LRP1B: variants seen among roughly 807,000 people sequenced by gnomAD.
The protein encoded by LRP1B is LDL receptor related protein 1B.
A neutral mutation model predicts 556.6 loss-of-function variants in LRP1B; 217 were observed. That is an observed-to-expected ratio of 0.39 (90% CI 0.35 to 0.44). The LOEUF (loss-of-function observed/expected upper bound fraction) is 0.44. Among genes scored for constraint, LRP1B ranks in the 20% least tolerant of loss-of-function variants. LRP1B has a pLI of 1.00. For missense variants in LRP1B, 5,053 were observed against 5,620.8 expected (o/e 0.90, Z 3.23); for synonymous variants, 2,047 against 1,865.8 (o/e 1.10, Z -2.50).
chr2:141,503,181 T>C (rs1683790705), intron 2 of LRP1B, among the ~76,000 whole-genome samples: 1 of 147,188 alleles, frequency 6.8e-6, no homozygotes, highest in Non-Finnish European at 1.5e-5. Flanking sequence ...AATAATATAA[T>C]AAAGTAAACA....
At chr2:141,424,120 T>TC (rs1483476334) in intron 3 of LRP1B, among the ~76,000 whole-genome samples, 2 of 150,912 alleles carry the variant, frequency 1.3e-5, no homozygotes, top group East Asian at 4.0e-4. Flanking sequence ...CATCTTTTTT[T>TC]TTTTTTTTTT....
At chr2:141,166,597 C>T (rs539638005) in intron 7 of LRP1B, among the ~76,000 whole-genome samples, 1 of 151,358 alleles carries the variant, frequency 6.6e-6, no homozygotes, top group Admixed American at 6.6e-5. Flanking sequence ...CTGTAATCAC[C>T]CTGGTGTGCT....
chr2:140,791,127 G>C (rs975373750), intron 32 of LRP1B, among the ~76,000 whole-genome samples: 1 of 151,932 alleles, frequency 6.6e-6, no homozygotes, highest in African/African-American at 2.4e-5. Context: ...AGTGGTGCAC[G>C]CCTGTAGTCC....
At chr2:141,661,982 C>T (rs1453284041) in intron 2 of LRP1B, among the ~76,000 whole-genome samples, 2 of 152,126 alleles carry the variant, frequency 1.3e-5, no homozygotes, top group Non-Finnish European at 2.9e-5. Context: ...CAGTGGAGCT[C>T]TCAGCAGAAA....
intron 35 of LRP1B, among the ~76,000 whole-genome samples, chr2:140,751,204 G>A (rs1051470325): frequency 3.9e-5 from 6 of 152,006 alleles, no homozygotes; most frequent in Non-Finnish European, 8.8e-5. Context: ...TGTTGGCCAG[G>A]CTGGTTTTGA....
intron 7 of LRP1B, among the ~76,000 whole-genome samples, chr2:141,076,377 G>T (rs566094987): frequency 6.6e-6 from 1 of 152,118 alleles, no homozygotes; most frequent in Admixed American, 6.5e-5. Flanking sequence ...TCCTACACGG[G>T]CATTTTTCTG....
intron 45 of LRP1B, among the ~76,000 whole-genome samples, chr2:140,539,598 G>A (rs1254680224): frequency 1.3e-5 from 2 of 152,116 alleles, no homozygotes; most frequent in East Asian, 3.9e-4. Flanking sequence ...ACAGAAATAA[G>A]CTTTGCCATT....
chr2:141,139,781 A>ATG (rs58413685), intron 7 of LRP1B, among the ~76,000 whole-genome samples: 4,522 of 148,034 alleles, frequency 0.031, 95 homozygotes, highest in Admixed American at 0.058. Context: ...CATTGGAAAA[A>ATG]TGTGTGTGTG....
chr2:141,357,362 C>A (rs1688665844), intron 3 of LRP1B, among the ~76,000 whole-genome samples: 1 of 152,026 alleles, frequency 6.6e-6, no homozygotes, highest in African/African-American at 2.4e-5. Context: ...AAAAAGAGAG[C>A]TTTGATAAGA....
chr2:141,832,323 T>G (rs1404654181), intron 1 of LRP1B, among the ~76,000 whole-genome samples: 2 of 84,054 alleles, frequency 2.4e-5, no homozygotes, highest in African/African-American at 5.2e-5. Flanking sequence ...TATCTCTTTC[T>G]CTCTCACACA....
At chr2:141,199,777 C>T (rs1254380177) in intron 6 of LRP1B, among the ~76,000 whole-genome samples, 1 of 152,134 alleles carries the variant, frequency 6.6e-6, no homozygotes, top group African/African-American at 2.4e-5. Flanking sequence ...CATGAACAGA[C>T]ATTTCTCAAA....
At chr2:141,453,022 G>A (rs1224241765) in intron 3 of LRP1B, among the ~76,000 whole-genome samples, 1 of 152,096 alleles carries the variant, frequency 6.6e-6, no homozygotes, top group Non-Finnish European at 1.5e-5. Context: ...GATCACTTGA[G>A]GTCAGGAGTT....
At chr2:141,605,058 CCA>C (rs1687865991) in intron 2 of LRP1B, among the ~76,000 whole-genome samples, 2 of 151,888 alleles carry the variant, frequency 1.3e-5, no homozygotes, top group Non-Finnish European at 2.9e-5. Context: ...GGGAACGTTG[CCA>C]GCCAGAGGTT....
intron 1 of LRP1B, among the ~76,000 whole-genome samples, chr2:141,981,049 G>A (rs748511549): frequency 2.6e-5 from 4 of 151,926 alleles, no homozygotes; most frequent in Admixed American, 1.3e-4. Context: ...TCTATTATGG[G>A]TCTCAGCTCT....
intron 1 of LRP1B, among the ~76,000 whole-genome samples, chr2:141,854,628 A>T (rs1201890515): frequency 1.3e-5 from 2 of 152,028 alleles, no homozygotes; most frequent in African/African-American, 4.8e-5. Flanking sequence ...ATATTCCCTT[A>T]ATCCTTGATG....
intron 1 of LRP1B, among the ~76,000 whole-genome samples, chr2:142,115,547 A>ATATAT: frequency 2.6e-5 from 1 of 38,614 alleles, no homozygotes; most frequent in African/African-American, 7.7e-5. Context: ...CATATGTAAT[A>ATATAT]TATATATTAT....
intron 27 of LRP1B, 131 bp downstream of exon 27, chr2:140,867,459 C>G (rs1321635343): frequency 1.1e-6 from 1 of 936,742 alleles, no homozygotes; most frequent in Non-Finnish European, 1.5e-6. Context: ...GTTGAAACCA[C>G]TTCCCTCATA....
chr2:140,474,393 C>G (rs79516742), intron 60 of LRP1B, among the ~76,000 whole-genome samples: 2 of 151,828 alleles, frequency 1.3e-5, no homozygotes, highest in Non-Finnish European at 2.9e-5. Context: ...ATAAGCTAAA[C>G]TGAATTAACA....
In LRP1B at chr2:141,810,337, G is replaced by A. The variant is rs1696317442; in HGVS notation, c.147C>T (p.Ser49=). The part of the protein sequence containing the change: ...CHDHVTCVSQ[S]WLCDGDPDCP... ...AGTCAGGGTCCCCATCACACAGCCA[G>A]CTCTGGGAGACACAAGTCACGTGAT... The change falls in exon 2 of 91, where the codon AGC becomes AGT. Residue 49 remains serine, a synonymous_variant. Transcript: ENST00000389484. 1 of 1,613,142 alleles carries A rather than the reference G, an allele frequency of 6.2e-7. No homozygotes were observed. The highest frequency in any genetic ancestry group is 8.5e-7 in the Non-Finnish European group (1 of 1,179,454).
Sources: allele counts gnomAD v4.1 joint callset (sites outside exome capture counted in the v4.1 genomes callset), GRCh38; gene constraint gnomAD v4.1.1; transcripts MANE v1.5; gene names NCBI Gene and HGNC (gene_info 2026-07-23, HGNC 2026-07-21).